Variants in SCN2A observed in about 807,000 individuals in gnomAD.
SCN2A encodes sodium channel protein type 2 subunit alpha.
SCN2A carries 20 observed loss-of-function variants against 188.7 expected under a neutral mutation model. The observed-to-expected ratio is 0.11, with a 90% CI of 0.07 to 0.15. SCN2A has a LOEUF of 0.15. Among genes scored for constraint, SCN2A ranks in the 10% least tolerant of loss-of-function variants. The pLI is 1.00. For synonymous variants in SCN2A, 804 were observed against 833.1 expected (o/e 0.97, Z 0.60); for missense variants, 1,278 against 2,445.0 (o/e 0.52, Z 10.07).
intron 1 of SCN2A, among the ~76,000 whole-genome samples, chr2:165,248,671 T>C (rs142087894): frequency 2.1e-4 from 32 of 152,218 alleles, no homozygotes; most frequent in Non-Finnish European, 4.0e-4. Flanking sequence ...TTCTAACACA[T>C]CACATTATAG....
At chr2:165,270,359 C>T (rs946325188) in intron 1 of SCN2A, 12 of 151,954 alleles carry the variant, frequency 7.9e-5, no homozygotes, top group Non-Finnish European at 1.6e-4. Flanking sequence ...TACAACCCAC[C>T]CATTGCTTAT....
At position 165,263,886 on chromosome 2, in the gene SCN2A, A is replaced by ATTTT. The variant is rs35091347; in HGVS notation, c.-52+24255_-52+24258dup. On this transcript the variant is annotated intron_variant, in intron 1 of 26. Coordinates refer to ENST00000375437, the MANE Select transcript of SCN2A (RefSeq NM_001040142.2). The stretch of plus-strand genomic sequence containing the variant: ...CGTTAAGTATATTCCTAAGTATTCT[A>ATTTT]TTTTTTTTTTTTGCAGCTATTGTAA... 1.4e-3 allele frequency among the ~76,000 whole-genome samples: 203 copies of ATTTT among 146,190 alleles called. 1 individual carries two copies. The highest frequency in any genetic ancestry group is 0.01 in the East Asian group (52 of 4,962).
intron 16 of SCN2A, among the ~76,000 whole-genome samples, chr2:165,351,608 G>T (rs1380124909): frequency 6.6e-6 from 1 of 151,864 alleles, no homozygotes; most frequent in African/African-American, 2.4e-5. Context: ...ATTAACTGTG[G>T]TCTTGGACAA....
At chr2:165,309,015 A>T in intron 5 of SCN2A, 1 of 1,063,658 alleles carries the variant, frequency 9.4e-7, no homozygotes, top group African/African-American at 1.6e-5. Flanking sequence ...AGTTTCCCAA[A>T]TAACAGAGAT....
chr2:165,284,689 A>G (rs888121256), intron 1 of SCN2A, among the ~76,000 whole-genome samples: 1 of 152,204 alleles, frequency 6.6e-6, no homozygotes, highest in African/African-American at 2.4e-5. Flanking sequence ...CAGGTATATC[A>G]AACAAGTGGA....
chr2:165,323,162 C>G lies in SCN2A; in HGVS notation c.1678C>G (p.Leu560Val). 1 of 1,614,108 alleles carries G rather than the reference C, an allele frequency of 6.2e-7. No homozygotes were observed. Among genetic ancestry groups the G allele is most frequent in the Non-Finnish European group, 8.5e-7 (1 of 1,179,966 alleles). Residue 560 changes from leucine (L) to valine (V), a missense_variant, in exon 12 of 27, where the codon CTG becomes GTG. Physicochemically the swap from Leu to Val is conservative, Grantham distance 32 (BLOSUM62 1). Coordinates refer to ENST00000375437, the MANE Select transcript of SCN2A (RefSeq NM_001040142.2). ...KRFSSPHQSL[L>V]SIRGSLFSPR... Reference sequence around the variant, plus strand: ...CTTCTCTTGTTATTCATAGTCCTTACTGAGCATCCGTGGCTCCCTTTTCTC... The same window carrying G: ...CTTCTCTTGTTATTCATAGTCCTTAGTGAGCATCCGTGGCTCCCTTTTCTC...
At chr2:165,306,357 G>A (rs1697131348) in intron 3 of SCN2A, among the ~76,000 whole-genome samples, 1 of 152,154 alleles carries the variant, frequency 6.6e-6, no homozygotes, top group Admixed American at 6.5e-5. Flanking sequence ...GCCACGGGGT[G>A]TTATTTTTCC....
chr2:165,306,896 A>G (rs942000572), intron 3 of SCN2A, among the ~76,000 whole-genome samples: 1 of 152,176 alleles, frequency 6.6e-6, no homozygotes, highest in Non-Finnish European at 1.5e-5. Flanking sequence ...CACAATGATA[A>G]AGAGTGCCAC....
Position 165,389,627 on chromosome 2 carries a change from G to A in SCN2A, c.5821G>A (p.Asp1941Asn). The change falls in exon 27 of 27, where the codon GAT becomes AAT. Residue 1941 changes from aspartate to asparagine, a missense_variant. Transcript: ENST00000375437. This position sits in a 1 kb window ranked among gnomAD's most constrained non-coding sequence, Gnocchi z 4.2. ...IYKKDKGKEC[D>N]GTPIKEDTLI... ...CAAGAAAGACAAAGGCAAAGAATGT[G>A]ATGGAACACCCATCAAAGAAGATAC... 5 of 1,613,928 alleles carry A rather than the reference G, an allele frequency of 3.1e-6. No homozygotes were observed. Among genetic ancestry groups the A allele is most frequent in the Non-Finnish European group, 4.2e-6 (5 of 1,179,950 alleles).
chr2:165,334,776 A>G (rs1698895105), intron 14 of SCN2A, among the ~76,000 whole-genome samples: 1 of 151,752 alleles, frequency 6.6e-6, no homozygotes, highest in Admixed American at 6.6e-5. Flanking sequence ...GGGAAATAAG[A>G]CAAGAAAAAG....
intron 16 of SCN2A, among the ~76,000 whole-genome samples, chr2:165,351,205 GAT>G (rs1385854635): frequency 6.6e-6 from 1 of 152,064 alleles, no homozygotes; most frequent in Non-Finnish European, 1.5e-5. Flanking sequence ...ATAGAACTAA[GAT>G]AAACATGCTG....
chr2:165,313,536 G>C, intron 8 of SCN2A, 84 bp from the exon 9 acceptor site: 1 of 1,530,430 alleles, frequency 6.5e-7, no homozygotes, highest in Non-Finnish European at 9.0e-7. Flanking sequence ...GTATAAAACA[G>C]ACATTGGCAT....
intron 16 of SCN2A, among the ~76,000 whole-genome samples, chr2:165,349,575 G>A (rs892042982): frequency 6.6e-6 from 1 of 151,332 alleles, no homozygotes; most frequent in African/African-American, 2.4e-5. Flanking sequence ...GTTGACATCA[G>A]TATTAATTTA....
At chr2:165,260,780 G>A (rs1371053473) in intron 1 of SCN2A, among the ~76,000 whole-genome samples, 2 of 151,682 alleles carry the variant, frequency 1.3e-5, no homozygotes, top group East Asian at 1.9e-4. Context: ...CAGTCTGGCC[G>A]ACATGAAGAA....
At chr2:165,320,994 G>A (rs527402373) in intron 11 of SCN2A, among the ~76,000 whole-genome samples, 1 of 152,210 alleles carries the variant, frequency 6.6e-6, no homozygotes, top group South Asian at 2.1e-4. Context: ...ACATTGTCAG[G>A]CTGCAAATTT....
At position 165,245,157 on chromosome 2, in the gene SCN2A, G is replaced by A. The variant is rs138010132; in HGVS notation, c.-52+5517G>A. On this transcript the variant is annotated intron_variant, in intron 1 of 26. Transcript: ENST00000375437. ...AGGATATTTTCCTTCTTTTCTGTGT[G>A]ATACAGTTTGGCTCTGTATCCTCAC... Among the ~76,000 whole-genome samples the A allele has an allele frequency of 2.6e-3, 394 of 152,226 alleles. 1 individual carries two copies. The highest frequency in any genetic ancestry group is 9.1e-3 in the African/African-American group (379 of 41,532).
intron 1 of SCN2A, among the ~76,000 whole-genome samples, chr2:165,259,582 T>G (rs910861614): frequency 2.0e-5 from 3 of 152,202 alleles, no homozygotes; most frequent in Non-Finnish European, 2.9e-5. Flanking sequence ...ACCACTTACT[T>G]TGATCATTCA....
At chr2:165,258,607 G>T (rs1379723793) in intron 1 of SCN2A, among the ~76,000 whole-genome samples, 1 of 152,116 alleles carries the variant, frequency 6.6e-6, no homozygotes, top group Non-Finnish European at 1.5e-5. Flanking sequence ...AAATATAAAT[G>T]GTTCTACCAT....
chr2:165,388,394 C>T (rs918505834), intron 26 of SCN2A, among the ~76,000 whole-genome samples: 1 of 152,068 alleles, frequency 6.6e-6, no homozygotes. Flanking sequence ...TTGATAGATG[C>T]TTTCCTTGAA....
Sources: allele counts gnomAD v4.1 joint callset (sites outside exome capture counted in the v4.1 genomes callset), GRCh38; gene constraint gnomAD v4.1.1; non-coding constraint Gnocchi (gnomAD v3.1); transcripts MANE v1.5; gene names NCBI Gene and HGNC (gene_info 2026-07-23, HGNC 2026-07-21).